The following C4BPA variants were observed in gnomAD, a reference collection of about 807,000 sequenced individuals.
C4BPA encodes C4b-binding protein alpha chain.
A neutral mutation model predicts 63.7 loss-of-function variants in C4BPA; 31 were observed. That is an observed-to-expected ratio of 0.49 (90% CI 0.37 to 0.66). The LOEUF (loss-of-function observed/expected upper bound fraction) is 0.66. Among genes scored for constraint, C4BPA ranks in the 30% least tolerant of loss-of-function variants. C4BPA has a pLI of 0.00. For synonymous variants in C4BPA, 259 were observed against 254.7 expected, an observed-to-expected ratio of 1.02 and a Z score of -0.16; for missense variants, 572 against 723.3, an observed-to-expected ratio of 0.79 and a Z score of 2.40.
In C4BPA at chr1:207,141,258, CCAGCCCCT is replaced by C. The variant is rs1572800816; in HGVS notation, c.1429_1436del (p.Ala477MetfsTer2). The C allele has an allele frequency of 5.0e-6, 8 of 1,613,160 alleles. No individual in the cohort carries two copies. The highest frequency in any genetic ancestry group is 6.8e-6 in the Non-Finnish European group (8 of 1,179,710). ...CTGCAGTTATTCACACTGGTCAGCT[CCAGCCCCT>C]CAATGTAAAGGTAACTCCAGCTTCC... On this transcript the variant is annotated frameshift_variant, in exon 10 of 12. Coordinates refer to ENST00000367070, the MANE Select transcript of C4BPA (RefSeq NM_000715.4). LOFTEE classifies it high-confidence loss of function.
chr1:207,115,284 G>A, intron 3 of C4BPA, 132 bp from the exon 4 acceptor site: 1 of 563,908 alleles, frequency 1.8e-6, no homozygotes, highest in Non-Finnish European at 3.1e-6. Flanking sequence ...GTCAGGGTTA[G>A]AAATAAGTTT....
chr1:207,126,674 T>C (rs755707885), intron 6 of C4BPA, 39 bp from the exon 7 acceptor site: 24 of 1,506,398 alleles, frequency 1.6e-5, no homozygotes, highest in Non-Finnish European at 2.0e-5. Context: ...TTACCATCTA[T>C]CTTTTAAAAT....
chr1:207,120,825 T>C (rs1398416885), intron 4 of C4BPA, among the ~76,000 whole-genome samples: 1 of 152,218 alleles, frequency 6.6e-6, no homozygotes, highest in African/African-American at 2.4e-5. Context: ...CTTTCTTTTT[T>C]TGAGACAAGT....
chr1:207,104,865 AT>A (rs1684527042), intron 1 of C4BPA, among the ~76,000 whole-genome samples: 1 of 152,054 alleles, frequency 6.6e-6, no homozygotes, highest in African/African-American at 2.4e-5. Flanking sequence ...CTATTTTGAG[AT>A]TTGATTAACC....
intron 6 of C4BPA, among the ~76,000 whole-genome samples, chr1:207,126,272 T>C (rs1351950191): frequency 2.7e-5 from 4 of 147,940 alleles, no homozygotes; most frequent in Admixed American, 2.0e-4. Context: ...AAATATATAT[T>C]ATATCAAATA....
intron 4 of C4BPA, among the ~76,000 whole-genome samples, chr1:207,120,811 T>G (rs932830219): frequency 2.0e-5 from 3 of 152,212 alleles, no homozygotes; most frequent in African/African-American, 7.2e-5. Flanking sequence ...ACACATCAGA[T>G]TTACTTTCTT....
intron 4 of C4BPA, among the ~76,000 whole-genome samples, chr1:207,116,169 C>T (rs886150352): frequency 1.3e-5 from 2 of 152,210 alleles, no homozygotes; most frequent in Non-Finnish European, 2.9e-5. Flanking sequence ...TCCACAAACT[C>T]TCCAACTGTG....
At chr1:207,118,230 T>TCTATCTATCTA in intron 4 of C4BPA, among the ~76,000 whole-genome samples, 1 of 151,526 alleles carries the variant, frequency 6.6e-6, no homozygotes, top group Admixed American at 6.6e-5. Flanking sequence ...TATCTATCTA[T>TCTATCTATCTA]CTATCTATCT....
chr1:207,116,495 AGTGTGT>A (rs200444986), intron 4 of C4BPA, among the ~76,000 whole-genome samples: 2 of 124,408 alleles, frequency 1.6e-5, no homozygotes, highest in African/African-American at 3.1e-5. Context: ...CTTTTCCCAC[AGTGTGT>A]GTGTGTGTGT....
chr1:207,126,290 A>T (rs1422489247), intron 6 of C4BPA, among the ~76,000 whole-genome samples: 1 of 147,836 alleles, frequency 6.8e-6, no homozygotes, highest in Non-Finnish European at 1.5e-5. Context: ...ATATAAAAAT[A>T]TATAATATAT....
intron 6 of C4BPA, 43 bp from the exon 7 acceptor site, chr1:207,126,670 T>G: frequency 6.8e-7 from 1 of 1,474,200 alleles, no homozygotes; most frequent in Non-Finnish European, 9.4e-7. Context: ...CTTATTACCA[T>G]CTATCTTTTA....
chr1:207,108,472 C>G (rs1250320465), intron 1 of C4BPA, among the ~76,000 whole-genome samples: 1 of 152,116 alleles, frequency 6.6e-6, no homozygotes. Context: ...TTTTTTGCAG[C>G]TGCAGAGGAA....
intron 9 of C4BPA, among the ~76,000 whole-genome samples, chr1:207,134,836 G>T (rs1174373421): frequency 2.6e-5 from 4 of 152,158 alleles, no homozygotes; most frequent in Admixed American, 2.0e-4. Flanking sequence ...TTCAAGTTAT[G>T]TGTTTTTGTT....
In C4BPA at chr1:207,144,802, A is replaced by C; in HGVS notation, c.*85A>C. 1 of 758,318 alleles carries C rather than the reference A, an allele frequency of 1.3e-6. No homozygotes were observed. The highest frequency in any genetic ancestry group is 3.2e-4 in the Middle Eastern group (1 of 3,150). The allele number at this position is 758,318 out of a possible 1,614,324, so 47.0% of individuals were successfully genotyped here. A position where few individuals can be genotyped will look rare whatever the true frequency, so the allele number is the denominator to read the frequency against. ...AGATCAGTTTAGCAAATCTACTGTC[A>C]ATTTGGCAGTGATATTCATCATAAT... On this transcript the variant is annotated 3_prime_UTR_variant, in exon 12 of 12. Transcript: ENST00000367070.
At chr1:207,117,242 G>T (rs879409325) in intron 4 of C4BPA, among the ~76,000 whole-genome samples, 4 of 152,146 alleles carry the variant, frequency 2.6e-5, no homozygotes, top group Non-Finnish European at 5.9e-5. Flanking sequence ...TTGAGTCCAG[G>T]AGTTCGAGAC....
rs1315401648 is a variant in C4BPA at position 207,143,842 on chromosome 1, T to C, written c.1469T>C (p.Val490Ala). The C allele has an allele frequency of 3.1e-6, 5 of 1,613,174 alleles. No homozygotes were observed. In the East Asian group the frequency reaches 6.7e-5, roughly 22 times the overall value. The change falls in exon 11 of 12, where the codon GTG (valine) becomes GCG (alanine). Residue 490 changes from valine (V) to alanine (A), a missense_variant. Val to Ala is a moderately conservative substitution (Grantham distance 64). Transcript: ENST00000367070. Reference protein sequence around the residue: ...CKALCRKPELVNGRLSVDKDQ... With the variant: ...CKALCRKPELANGRLSVDKDQ... ...GCTCTGTGTCGGAAACCAGAATTAGTGAATGGAAGGTTGTCTGTGGATAAG... is the reference window on the plus strand; with the variant it reads ...GCTCTGTGTCGGAAACCAGAATTAGCGAATGGAAGGTTGTCTGTGGATAAG...
At chr1:207,127,708 G>C (rs139913699) in intron 7 of C4BPA, among the ~76,000 whole-genome samples, 1 of 152,308 alleles carries the variant, frequency 6.6e-6, no homozygotes, top group Non-Finnish European at 1.5e-5. Flanking sequence ...AAAGTCTCTG[G>C]AGAGTGATCA....
chr1:207,124,296 T>C lies in C4BPA; in HGVS notation c.636T>C (p.His212=), dbSNP rs1286359929. 1.2e-6 allele frequency: 2 copies of C among 1,613,956 alleles called. No homozygotes were observed. Among genetic ancestry groups the C allele is most frequent in the Non-Finnish European group, 1.7e-6 (2 of 1,179,882 alleles). ...ACCCCCGCTTCTCACTCTTGGGCCATGCCTCCATTTCTTGCACTGTGGAGA... is the reference window on the plus strand; with the variant it reads ...ACCCCCGCTTCTCACTCTTGGGCCACGCCTCCATTTCTTGCACTGTGGAGA... ...SCDPRFSLLG[H]ASISCTVENE... is the part of the protein sequence containing the mutation. Residue 212 remains histidine, a synonymous_variant, in exon 6 of 12, where the codon CAT becomes CAC. Coordinates refer to ENST00000367070, the MANE Select transcript of C4BPA (RefSeq NM_000715.4).
chr1:207,110,126 C>G (rs931686870), intron 1 of C4BPA, among the ~76,000 whole-genome samples: 1 of 152,156 alleles, frequency 6.6e-6, no homozygotes, highest in Non-Finnish European at 1.5e-5. Context: ...GTGGTGAAGG[C>G]AGACTTCAGA....
Sources: gnomAD v4.1 joint callset for allele counts (sites outside exome capture counted in the v4.1 genomes callset) on GRCh38, gnomAD v4.1.1 for gene constraint, MANE v1.5 for transcripts, NCBI Gene and HGNC (gene_info 2026-07-23, HGNC 2026-07-21) for gene names.